Variants in DYNC1I1 observed in about 807,000 individuals in gnomAD.
DYNC1I1 encodes cytoplasmic dynein 1 intermediate chain 1.
A neutral mutation model predicts 86.6 loss-of-function variants in DYNC1I1; 43 were observed. That is an observed-to-expected ratio of 0.50 (90% CI 0.39 to 0.64). The LOEUF (loss-of-function observed/expected upper bound fraction) is 0.64. DYNC1I1 is among the 30% of genes least tolerant of loss of function. DYNC1I1 has a pLI of 0.00. For synonymous variants in DYNC1I1, 262 were observed against 283.7 expected, an observed-to-expected ratio of 0.92 and a Z score of 0.77; for missense variants, 604 against 788.8, an observed-to-expected ratio of 0.77 and a Z score of 2.81.
intron 6 of DYNC1I1, among the ~76,000 whole-genome samples, chr7:95,944,018 A>G (rs1792320089): frequency 6.6e-6 from 1 of 152,234 alleles, no homozygotes; most frequent in South Asian, 2.1e-4. Flanking sequence ...GCCAAAATTG[A>G]CAAATGGGAT....
At chr7:95,785,777 A>ATG (rs1222420425) in intron 1 of DYNC1I1, among the ~76,000 whole-genome samples, 854 of 15,384 alleles carry the variant, frequency 0.056, 19 homozygotes, top group East Asian at 0.21. Flanking sequence ...GTGTATGTGT[A>ATG]TATATATATA....
intron 16 of DYNC1I1, 26 bp from the exon 17 acceptor site, chr7:96,097,457 C>G (rs1791049211): frequency 1.2e-6 from 2 of 1,612,482 alleles, no homozygotes; most frequent in East Asian, 4.5e-5. Context: ...TCTTGTTCAT[C>G]ATTTCTCCAT....
At chr7:95,891,545 T>C (rs1478895978) in intron 6 of DYNC1I1, among the ~76,000 whole-genome samples, 4 of 152,188 alleles carry the variant, frequency 2.6e-5, no homozygotes, top group African/African-American at 7.2e-5. Context: ...TGGTGTCAGG[T>C]TGGTTCACAA....
At chr7:95,844,791 C>A (rs1789382632) in intron 5 of DYNC1I1, among the ~76,000 whole-genome samples, 1 of 152,024 alleles carries the variant, frequency 6.6e-6, no homozygotes, top group East Asian at 1.9e-4. Flanking sequence ...TTTTAAAAGG[C>A]CAATCTTAGA....
chr7:96,079,084 A>C (rs539681019), intron 15 of DYNC1I1, among the ~76,000 whole-genome samples: 6 of 152,058 alleles, frequency 3.9e-5, no homozygotes, highest in Non-Finnish European at 8.8e-5. Context: ...GGGTGAAAGA[A>C]TTTTTATTGA....
intron 6 of DYNC1I1, among the ~76,000 whole-genome samples, chr7:95,904,054 G>A (rs1181346354): frequency 6.6e-6 from 1 of 151,898 alleles, no homozygotes; most frequent in Non-Finnish European, 1.5e-5. Context: ...TTCTAGTCCA[G>A]TTTTGCCTTA....
intron 10 of DYNC1I1, among the ~76,000 whole-genome samples, chr7:96,019,442 C>T (rs370282705): frequency 5.9e-5 from 9 of 151,446 alleles, no homozygotes; most frequent in African/African-American, 1.5e-4. Context: ...TCACATTTGA[C>T]GGCAAAATAC....
At chr7:96,044,858 T>C (rs930327914) in intron 14 of DYNC1I1, among the ~76,000 whole-genome samples, 3 of 152,176 alleles carry the variant, frequency 2.0e-5, no homozygotes, top group Admixed American at 6.5e-5. Flanking sequence ...AAAGATGGAC[T>C]GTGGTCAGTG....
At chr7:95,936,341 T>A (rs1318206508) in intron 6 of DYNC1I1, among the ~76,000 whole-genome samples, 2 of 151,996 alleles carry the variant, frequency 1.3e-5, no homozygotes, top group Non-Finnish European at 2.9e-5. Context: ...TGGACTTGCA[T>A]TGATGATAGT....
At chr7:95,940,163 A>G (rs1224812288) in intron 6 of DYNC1I1, among the ~76,000 whole-genome samples, 1 of 152,156 alleles carries the variant, frequency 6.6e-6, no homozygotes, top group Non-Finnish European at 1.5e-5. Flanking sequence ...CTGCCGAGAG[A>G]TCCGCTGTTA....
chr7:95,916,808 G>T (rs975794043), intron 6 of DYNC1I1, among the ~76,000 whole-genome samples: 8 of 152,308 alleles, frequency 5.3e-5, no homozygotes, highest in Non-Finnish European at 8.8e-5. Flanking sequence ...ACTGCTCACA[G>T]CCTGATTTCA....
Position 95,837,964 on chromosome 7 carries a change from T to A in DYNC1I1, c.374+9848T>A, listed in dbSNP as rs549103335. Among the ~76,000 whole-genome samples the A allele has an allele frequency of 3.3e-5, 5 of 152,356 alleles. No homozygotes were observed. The South Asian group carries it at 1.0e-3, about 32-fold the overall frequency. On this transcript the variant is annotated intron_variant, in intron 5 of 16. Transcript: ENST00000447467. The stretch of plus-strand genomic sequence containing the variant: ...CACGCTGGGAACTGTAGACCAGAGC[T>A]GTTCCTATTCGGCCATCTTGGCTCC...
At chr7:95,848,917 A>G (rs983464062) in intron 5 of DYNC1I1, among the ~76,000 whole-genome samples, 25 of 152,220 alleles carry the variant, frequency 1.6e-4, no homozygotes, top group Middle Eastern at 3.4e-3. Context: ...GATCATAGCC[A>G]TTCTAACATG....
chr7:96,023,818 G>A (rs1397095041), intron 10 of DYNC1I1, among the ~76,000 whole-genome samples: 3 of 152,130 alleles, frequency 2.0e-5, no homozygotes, highest in African/African-American at 7.2e-5. Flanking sequence ...AAAACAAACT[G>A]TTTTCTCAGG....
intron 5 of DYNC1I1, among the ~76,000 whole-genome samples, chr7:95,833,842 G>T (rs962439641): frequency 6.7e-6 from 1 of 149,208 alleles, no homozygotes; most frequent in Non-Finnish European, 1.5e-5. Context: ...CTTTGCTGAA[G>T]TTGCTTCTCA....
At chr7:95,797,843 C>T (rs1794478778) in intron 1 of DYNC1I1, among the ~76,000 whole-genome samples, 1 of 152,064 alleles carries the variant, frequency 6.6e-6, no homozygotes, top group Non-Finnish European at 1.5e-5. Context: ...TAACATATCA[C>T]AACAGATTGA....
intron 6 of DYNC1I1, among the ~76,000 whole-genome samples, chr7:95,905,283 G>T (rs1791145769): frequency 6.6e-6 from 1 of 152,152 alleles, no homozygotes. Context: ...AAGTAAAGAG[G>T]TTCCCATGTT....
At chr7:95,844,019 T>A (rs949874556) in intron 5 of DYNC1I1, among the ~76,000 whole-genome samples, 4 of 152,190 alleles carry the variant, frequency 2.6e-5, no homozygotes, top group African/African-American at 9.7e-5. Context: ...TTGGTGTGTC[T>A]TATGAAGAGA....
chr7:95,975,594 C>T (rs1487120585), intron 6 of DYNC1I1, among the ~76,000 whole-genome samples: 1 of 152,060 alleles, frequency 6.6e-6, no homozygotes, highest in Non-Finnish European at 1.5e-5. Context: ...CTGCAGTGAC[C>T]CTATTTTCAA....
Sources: gnomAD v4.1 joint callset for allele counts (sites outside exome capture counted in the v4.1 genomes callset) on GRCh38, gnomAD v4.1.1 for gene constraint, MANE v1.5 for transcripts, NCBI Gene and HGNC (gene_info 2026-07-23, HGNC 2026-07-21) for gene names.